The following THRB variants were observed in gnomAD, a reference collection of about 807,000 sequenced individuals.
THRB encodes thyroid hormone receptor beta, also known as nuclear receptor subfamily 1 group A member 2.
THRB carries 12 observed loss-of-function variants against 47.8 expected under a neutral mutation model. The observed-to-expected ratio is 0.25, with a 90% CI of 0.16 to 0.41. The LOEUF (loss-of-function observed/expected upper bound fraction) is 0.41. Among genes scored for constraint, THRB ranks in the 10% least tolerant of loss-of-function variants. The probability of loss-of-function intolerance (pLI) is 1.00; values close to 1 mark genes in which losing one functional copy is unlikely to be tolerated. For missense variants in THRB, 348 were observed against 589.2 expected, an observed-to-expected ratio of 0.59 and a Z score of 4.24; for synonymous variants, 218 against 212.2, an observed-to-expected ratio of 1.03 and a Z score of -0.24.
At chr3:24,192,993 T>C (rs2043530688) in intron 4 of THRB, among the ~76,000 whole-genome samples, 1 of 152,206 alleles carries the variant, frequency 6.6e-6, no homozygotes, top group Admixed American at 6.5e-5. Context: ...TTCTTGATTC[T>C]GATCCTCGCA....
At chr3:24,415,235 T>C (rs565749904) in intron 1 of THRB, among the ~76,000 whole-genome samples, 22 of 151,944 alleles carry the variant, frequency 1.4e-4, no homozygotes, top group South Asian at 8.3e-4. Flanking sequence ...CTTGTGGGAA[T>C]TGGGACTCAG....
At chr3:24,448,350 A>C (rs1161969039) in intron 1 of THRB, among the ~76,000 whole-genome samples, 1 of 152,244 alleles carries the variant, frequency 6.6e-6, no homozygotes, top group Non-Finnish European at 1.5e-5. Context: ...CCATTGTAAA[A>C]ATGATTACTG....
chr3:24,420,922 A>C (rs147570640), intron 1 of THRB, among the ~76,000 whole-genome samples: 231 of 152,122 alleles, frequency 1.5e-3, no homozygotes, highest in African/African-American at 5.4e-3. Flanking sequence ...AGCACTATTC[A>C]CAATAGCAAA....
chr3:24,251,704 T>C (rs1340494355), intron 3 of THRB, among the ~76,000 whole-genome samples: 1 of 152,054 alleles, frequency 6.6e-6, no homozygotes, highest in Non-Finnish European at 1.5e-5. Flanking sequence ...CTCCCTTCCC[T>C]GAAAATGCCA....
At chr3:24,144,216 GA>G (rs2035810244) in intron 7 of THRB, 1 of 179,420 alleles carries the variant, frequency 5.6e-6, no homozygotes, top group Admixed American at 5.4e-5. Flanking sequence ...CTTTTTTTAA[GA>G]GGAAAAAGGA....
At chr3:24,406,085 C>T (rs913281944) in intron 1 of THRB, among the ~76,000 whole-genome samples, 1 of 151,442 alleles carries the variant, frequency 6.6e-6, no homozygotes, top group African/African-American at 2.4e-5. Context: ...GTTTTAATAG[C>T]TTTTTTCAGT....
chr3:24,339,245 A>G (rs950991922), intron 1 of THRB, among the ~76,000 whole-genome samples: 5 of 152,226 alleles, frequency 3.3e-5, no homozygotes, highest in African/African-American at 4.8e-5. Flanking sequence ...AAACCTAAAA[A>G]TTCTCATATA....
intron 4 of THRB, among the ~76,000 whole-genome samples, chr3:24,195,933 A>G (rs1311135880): frequency 6.6e-6 from 1 of 152,202 alleles, no homozygotes; most frequent in Non-Finnish European, 1.5e-5. Context: ...CTTGTCACCA[A>G]TGGGAACTGT....
At chr3:24,347,720 G>A (rs2063112668) in intron 1 of THRB, among the ~76,000 whole-genome samples, 1 of 151,332 alleles carries the variant, frequency 6.6e-6, no homozygotes, top group Non-Finnish European at 1.5e-5. Flanking sequence ...GGCAATATTT[G>A]AAAATGTCAA....
At chr3:24,453,627 T>C (rs2072886059) in intron 1 of THRB, among the ~76,000 whole-genome samples, 1 of 152,164 alleles carries the variant, frequency 6.6e-6, no homozygotes, top group Non-Finnish European at 1.5e-5. Flanking sequence ...CATCTTAAAG[T>C]TTATATTGGA....
intron 5 of THRB, among the ~76,000 whole-genome samples, chr3:24,168,515 C>T: frequency 8.3e-6 from 1 of 120,584 alleles, no homozygotes; most frequent in Admixed American, 7.7e-5. Flanking sequence ...ATATATGCGC[C>T]TAGGTGTGAC....
At chr3:24,248,474 C>T (rs776467691) in intron 3 of THRB, among the ~76,000 whole-genome samples, 6 of 151,598 alleles carry the variant, frequency 4.0e-5, no homozygotes, top group African/African-American at 7.3e-5. Context: ...GTTTTTGACC[C>T]AAAAGCTGGG....
At chr3:24,187,724 CT>C (rs1423795176) in intron 5 of THRB, among the ~76,000 whole-genome samples, 3 of 152,210 alleles carry the variant, frequency 2.0e-5, no homozygotes, top group African/African-American at 4.8e-5. Flanking sequence ...AAATATAACT[CT>C]CTTCATAGTA....
At chr3:24,430,068 C>T (rs1295722164) in intron 1 of THRB, 1 of 152,000 alleles carries the variant, frequency 6.6e-6, no homozygotes, top group Non-Finnish European at 1.5e-5. Context: ...AGGACTATAT[C>T]ATGTACTAGC....
chr3:24,436,375 G>T (rs532198427), intron 1 of THRB, among the ~76,000 whole-genome samples: 2 of 152,046 alleles, frequency 1.3e-5, no homozygotes, highest in Non-Finnish European at 2.9e-5. Context: ...GTTTACAAAC[G>T]CACAGCAGTA....
rs571755538 is a variant in THRB, at chr3:24,178,153, C to T, written c.283+11921G>A. Among the ~76,000 whole-genome samples, 102 of 152,092 alleles carry T rather than the reference C, an allele frequency of 6.7e-4. 1 individual carries two copies. Among genetic ancestry groups the T allele is most frequent in the Non-Finnish European group, 1.2e-3 (85 of 68,016 alleles). On this transcript the variant is annotated intron_variant, in intron 5 of 10. Transcript: ENST00000646209. ...TTAGAAAATATACTTTCTTCTAACC[C>T]AGTAAGATAATGAGCCAGCTCACCA... is the stretch of plus-strand genomic sequence containing the variant.
At chr3:24,471,818 C>A (rs755372642) in intron 1 of THRB, among the ~76,000 whole-genome samples, 1 of 152,140 alleles carries the variant, frequency 6.6e-6, no homozygotes, top group Non-Finnish European at 1.5e-5. Flanking sequence ...AAGATTACAC[C>A]ACGGAAGACT....
At chr3:24,233,317 G>C (rs1172715673) in intron 3 of THRB, among the ~76,000 whole-genome samples, 2 of 151,986 alleles carry the variant, frequency 1.3e-5, no homozygotes, top group Non-Finnish European at 2.9e-5. Flanking sequence ...ATCTTGGGCT[G>C]CATGGACAGA....
rs553780855 is a variant in THRB at position 24,149,322 on chromosome 3, G to T, written c.385-2500C>A. Among the ~76,000 whole-genome samples, 30 of 152,244 alleles carry T rather than the reference G, an allele frequency of 2.0e-4. No individual in the cohort carries two copies. The South Asian group carries it at 5.8e-3, about 30-fold the overall frequency. ...CAGTAAGAATGCTGACGGCTTACTA[G>T]GATAGGAAGATTGTTAGTCTATCTG... On this transcript the variant is annotated intron_variant, in intron 6 of 10. Transcript: ENST00000646209.
Sources: gnomAD v4.1 joint callset for allele counts (sites outside exome capture counted in the v4.1 genomes callset) on GRCh38, gnomAD v4.1.1 for gene constraint, MANE v1.5 for transcripts, NCBI Gene and HGNC (gene_info 2026-07-23, HGNC 2026-07-21) for gene names.